Variants in FOXN3 observed in about 807,000 individuals in gnomAD.
FOXN3 encodes the protein forkhead box protein N3.
A neutral mutation model predicts 38.4 loss-of-function variants in FOXN3; 7 were observed. The observed-to-expected ratio is 0.18, with a 90% CI of 0.10 to 0.34. The LOEUF is 0.34. FOXN3 is among the 10% of genes least tolerant of loss of function. The probability of loss-of-function intolerance (pLI) is 1.00; values close to 1 mark genes in which losing one functional copy is unlikely to be tolerated. For synonymous variants in FOXN3, 230 were observed against 242.2 expected (o/e 0.95, Z 0.47); for missense variants, 456 against 613.4 (o/e 0.74, Z 2.71).
intron 1 of FOXN3, among the ~76,000 whole-genome samples, chr14:89,480,551 A>G (rs925668479): frequency 6.6e-6 from 1 of 151,786 alleles, no homozygotes; most frequent in Non-Finnish European, 1.5e-5. Flanking sequence ...TCCTTTCCGG[A>G]GTCTCTCATT....
chr14:89,506,469 C>T (rs1267772927), intron 1 of FOXN3, among the ~76,000 whole-genome samples: 6 of 142,042 alleles, frequency 4.2e-5, no homozygotes, highest in South Asian at 2.2e-4. Context: ...GTCAGCCCCC[C>T]ACCCGGCCAG....
chr14:89,413,713 AC>A lies in FOXN3; in HGVS notation c.-14-1224del, dbSNP rs747976848. Reference sequence around the variant, plus strand: ...GGAACGGAAGAGAAGGGGGAAGGGAACGGAAGAGAAGGGGGAAGGGAAGGGA... The same window carrying A: ...GGAACGGAAGAGAAGGGGGAAGGGAAGGAAGAGAAGGGGGAAGGGAAGGGA... On this transcript the variant is annotated intron_variant, in intron 1 of 5. Transcript: ENST00000557258. Among the ~76,000 whole-genome samples the A allele has an allele frequency of 2.5e-3, 347 of 137,026 alleles. 1 individual carries two copies. Among genetic ancestry groups the A allele is most frequent in the South Asian group, 9.1e-3 (31 of 3,418 alleles). The allele number at this position is 137,026 out of a possible 152,430, so 89.9% of individuals were successfully genotyped here.
At chr14:89,169,199 G>C (rs965980280) in intron 5 of FOXN3, among the ~76,000 whole-genome samples, 1 of 152,106 alleles carries the variant, frequency 6.6e-6, no homozygotes, top group African/African-American at 2.4e-5. Flanking sequence ...TCAGCACTTT[G>C]GGAGGCTGAG....
intron 3 of FOXN3, among the ~76,000 whole-genome samples, chr14:89,324,588 GA>G (rs1887993978): frequency 6.6e-6 from 1 of 152,022 alleles, no homozygotes; most frequent in Non-Finnish European, 1.5e-5. Context: ...GGAATACAGA[GA>G]TTAAGGAGGT....
rs1348929477 is a variant in FOXN3, at chr14:89,309,421, GAC to G, written c.681-28409_681-28408del. ...GAAACCAGGTCACCGCTGTTTCCAT[GAC>G]ACGGGTGGCCTCTGGTATTAGAATT... On this transcript the variant is annotated intron_variant, in intron 3 of 5. Transcript: ENST00000557258. Among the ~76,000 whole-genome samples, 3 of 152,330 alleles carry G rather than the reference GAC, an allele frequency of 2.0e-5. No homozygotes were observed. The East Asian group carries it at 5.8e-4, about 29-fold the overall frequency.
chr14:89,498,948 T>G (rs1893742993), intron 1 of FOXN3, among the ~76,000 whole-genome samples: 1 of 152,230 alleles, frequency 6.6e-6, no homozygotes, highest in Non-Finnish European at 1.5e-5. Context: ...GGGCAAAGTC[T>G]GTGGCTCACG....
At chr14:89,293,772 G>A (rs1886950655) in intron 3 of FOXN3, among the ~76,000 whole-genome samples, 1 of 152,106 alleles carries the variant, frequency 6.6e-6, no homozygotes, top group Non-Finnish European at 1.5e-5. Context: ...GGGGAGAGAA[G>A]CACAATTCAC....
chr14:89,567,010 G>A (rs1300222346), intron 1 of FOXN3, among the ~76,000 whole-genome samples: 1 of 152,166 alleles, frequency 6.6e-6, no homozygotes, highest in Non-Finnish European at 1.5e-5. Flanking sequence ...AAAGACAGGT[G>A]TGTATCTGTG....
At chr14:89,224,894 G>A (rs913205420) in intron 4 of FOXN3, among the ~76,000 whole-genome samples, 1 of 152,120 alleles carries the variant, frequency 6.6e-6, no homozygotes, top group African/African-American at 2.4e-5. Context: ...ACTTTGGGAG[G>A]CCGAGGCGGG....
At chr14:89,407,446 G>C (rs970260505) in intron 2 of FOXN3, among the ~76,000 whole-genome samples, 13 of 152,156 alleles carry the variant, frequency 8.5e-5, no homozygotes, top group African/African-American at 3.1e-4. Context: ...ATTTTGTTAG[G>C]GGGGACTTGA....
intron 1 of FOXN3, among the ~76,000 whole-genome samples, chr14:89,609,607 A>C (rs1443129908): frequency 6.6e-6 from 1 of 152,080 alleles, no homozygotes; most frequent in African/African-American, 2.4e-5. Context: ...CATAGTACTT[A>C]TGGAAATATC....
At chr14:89,536,522 C>T (rs1009631222) in intron 1 of FOXN3, among the ~76,000 whole-genome samples, 4 of 152,192 alleles carry the variant, frequency 2.6e-5, no homozygotes, top group African/African-American at 9.7e-5. Context: ...TGGCTCACGC[C>T]TATAATCCCA....
At chr14:89,401,551 C>A (rs1437075877) in intron 2 of FOXN3, 4 of 455,616 alleles carry the variant, frequency 8.8e-6, no homozygotes, top group African/African-American at 8.0e-5. Context: ...GGAGTACCTA[C>A]TGTGATGCTA....
chr14:89,487,482 G>A (rs1001012957), intron 1 of FOXN3, among the ~76,000 whole-genome samples: 1 of 152,196 alleles, frequency 6.6e-6, no homozygotes, highest in African/African-American at 2.4e-5. Context: ...TACTGAGTCA[G>A]AATACATTAT....
At chr14:89,375,329 A>T (rs1890447426) in intron 2 of FOXN3, among the ~76,000 whole-genome samples, 1 of 152,136 alleles carries the variant, frequency 6.6e-6, no homozygotes, top group Non-Finnish European at 1.5e-5. Context: ...GCAAACCACA[A>T]ATTTAAATTT....
chr14:89,376,065 G>A (rs963522065), intron 2 of FOXN3, among the ~76,000 whole-genome samples: 1 of 152,194 alleles, frequency 6.6e-6, no homozygotes, highest in Non-Finnish European at 1.5e-5. Context: ...TTACAGGCGT[G>A]AGCCACCACA....
chr14:89,338,720 G>A (rs1346654443), intron 3 of FOXN3, among the ~76,000 whole-genome samples: 1 of 152,134 alleles, frequency 6.6e-6, no homozygotes, highest in Non-Finnish European at 1.5e-5. Context: ...TTGAACCTGG[G>A]GGTGGGCAGG....
intron 3 of FOXN3, among the ~76,000 whole-genome samples, chr14:89,339,775 C>G (rs557530527): frequency 5.9e-5 from 9 of 152,318 alleles, no homozygotes; most frequent in African/African-American, 2.2e-4. Context: ...TCTGCAGCAC[C>G]AATTCGGGGC....
At chr14:89,354,810 G>A (rs1045266720) in intron 2 of FOXN3, among the ~76,000 whole-genome samples, 7 of 151,568 alleles carry the variant, frequency 4.6e-5, no homozygotes, top group Non-Finnish European at 8.8e-5. Context: ...AGCTGAGATC[G>A]TGCCATTGCA....
Sources: gnomAD v4.1 joint callset for allele counts (sites outside exome capture counted in the v4.1 genomes callset) on GRCh38, gnomAD v4.1.1 for gene constraint, MANE v1.5 for transcripts, NCBI Gene and HGNC (gene_info 2026-07-23, HGNC 2026-07-21) for gene names.